ZNF43: variants seen among roughly 807,000 people sequenced by gnomAD.
ZNF43 encodes zinc finger protein 43.
A neutral mutation model predicts 68.4 loss-of-function variants in ZNF43; 44 were observed. The observed-to-expected ratio is 0.64, with a 90% CI of 0.51 to 0.83. The LOEUF is 0.83. ZNF43 is among the 40% of genes least tolerant of loss of function. The pLI is 0.00. For synonymous variants in ZNF43, 308 were observed against 307.8 expected (o/e 1.00, Z -0.01); for missense variants, 896 against 933.2 (o/e 0.96, Z 0.52).
Position 21,819,231 on chromosome 19 carries a change from A to C in ZNF43, c.4-10T>G. On this transcript the variant is annotated splice_polypyrimidine_tract_variant and intron_variant, in intron 1 of 3. Transcript: ENST00000354959. ...TAAATGTCAATGGTCCCTAAAAAAA[A>C]CAACACATACACACACAAACACACA... 1 of 1,585,638 alleles carries C rather than the reference A, an allele frequency of 6.3e-7. No homozygotes were observed. Among genetic ancestry groups the C allele is most frequent in the South Asian group, 1.2e-5 (1 of 86,524 alleles).
At chr19:21,833,571 G>A (rs913996264) in intron 1 of ZNF43, among the ~76,000 whole-genome samples, 6 of 151,788 alleles carry the variant, frequency 4.0e-5, no homozygotes, top group Non-Finnish European at 8.8e-5. Context: ...CACCCAGGCT[G>A]TGACACTGTA....
chr19:21,807,382 G>C lies in ZNF43; in HGVS notation c.*225C>G. ...CTCTCTGATGTTGAGTAAGATATGAGCACATATTAATGGCTTTTCCACATT... is the reference window on the plus strand; with the variant it reads ...CTCTCTGATGTTGAGTAAGATATGACCACATATTAATGGCTTTTCCACATT... On this transcript the variant is annotated 3_prime_UTR_variant, in exon 4 of 4. Coordinates refer to ENST00000354959, the MANE Select transcript of ZNF43 (RefSeq NM_003423.4). The C allele has an allele frequency of 2.4e-6, 1 of 410,890 alleles. No homozygotes were observed. The highest frequency in any genetic ancestry group is 4.3e-6 in the Non-Finnish European group (1 of 233,832). 25.5% of individuals were successfully genotyped at this position (410,890 alleles called of 1,614,324 possible).
chr19:21,822,761 C>T (rs1018326612), intron 1 of ZNF43, among the ~76,000 whole-genome samples: 1 of 151,786 alleles, frequency 6.6e-6, no homozygotes, highest in Non-Finnish European at 1.5e-5. Context: ...GCCGAGATCG[C>T]GCCACTGCAC....
chr19:21,843,045 C>G (rs994256685), intron 1 of ZNF43: 1 of 152,164 alleles, frequency 6.6e-6, no homozygotes, highest in Non-Finnish European at 1.5e-5. Context: ...TCCCCTGAAG[C>G]CAGGGTCTAG....
rs779997283 is a variant in ZNF43 at position 21,819,082 on chromosome 19, A to T, written c.130+13T>A. ...AGGGTATATTAGGAATTGAGTATTG[A>T]AGTTATGCTCACCCAGGAAGACCAG... On this transcript the variant is annotated intron_variant, in intron 2 of 3. Transcript: ENST00000354959. The T allele has an allele frequency of 4.4e-6, 7 of 1,604,730 alleles. No individual in the cohort carries two copies. In the Admixed American group the frequency reaches 1.0e-4, roughly 24 times the overall value.
In ZNF43 at chr19:21,809,235, TAA is replaced by T. The variant is rs750619467; in HGVS notation, c.800_801del (p.Phe267Ter). The T allele has an allele frequency of 6.2e-7, 1 of 1,613,720 alleles. No individual in the cohort carries two copies. Among genetic ancestry groups the T allele is most frequent in the Non-Finnish European group, 8.5e-7 (1 of 1,179,840 alleles). On this transcript the variant is annotated frameshift_variant, in exon 4 of 4. Transcript: ENST00000354959. LOFTEE classifies it high-confidence loss of function. ...TGGGTAGTAAGGATTGAGGACTTGTTAAAAGCTTTGCCACATTCTTCACATTT... is the reference window on the plus strand; with the variant it reads ...TGGGTAGTAAGGATTGAGGACTTGTTAAGCTTTGCCACATTCTTCACATTT... ...LYKCEECGKA[F>X]NKSSILTTHK...
chr19:21,838,111 TTCTG>T (rs1488340649), upstream of ZNF43: 1 of 152,136 alleles, frequency 6.6e-6, no homozygotes, highest in African/African-American at 2.4e-5. Context: ...TGACTCTGAG[TTCTG>T]TCTGTCTTTG....
chr19:21,816,661 C>T (rs2037542141), intron 3 of ZNF43, among the ~76,000 whole-genome samples: 1 of 152,104 alleles, frequency 6.6e-6, no homozygotes. Context: ...AATGACTGTT[C>T]CAGCTCCCTG....
At chr19:21,844,714 G>A (rs1599546638) in intron 1 of ZNF43, among the ~76,000 whole-genome samples, 3 of 150,820 alleles carry the variant, frequency 2.0e-5, no homozygotes, top group African/African-American at 7.3e-5. Context: ...TGGCTAACAC[G>A]GTGAAACCCC....
intron 3 of ZNF43, among the ~76,000 whole-genome samples, chr19:21,812,505 CA>C (rs1251931160): frequency 4.6e-5 from 7 of 152,240 alleles, no homozygotes; most frequent in Admixed American, 4.6e-4. Context: ...AAAATATACA[CA>C]AATGGGAAGA....
intron 1 of ZNF43, among the ~76,000 whole-genome samples, chr19:21,850,514 C>T (rs1357588136): frequency 1.3e-5 from 2 of 151,232 alleles, no homozygotes; most frequent in African/African-American, 4.9e-5. Flanking sequence ...GAGCCGAGAT[C>T]GCACCACTGC....
chr19:21,825,552 G>A (rs949059375), intron 1 of ZNF43, among the ~76,000 whole-genome samples: 2 of 151,908 alleles, frequency 1.3e-5, no homozygotes, highest in Non-Finnish European at 2.9e-5. Flanking sequence ...CCCAGAATCA[G>A]AATTTGGGGC....
At chr19:21,836,311 A>G (rs930360534), upstream of ZNF43, 16 of 1,175,284 alleles carry the variant, frequency 1.4e-5, no homozygotes, top group Non-Finnish European at 1.3e-5. Flanking sequence ...TGAATGAAAG[A>G]TGTGATCAGA....
intron 1 of ZNF43, chr19:21,851,890 A>AC (rs1461635120): frequency 6.4e-7 from 1 of 1,573,768 alleles, no homozygotes; most frequent in Admixed American, 1.8e-5. Flanking sequence ...GGGATGCCTA[A>AC]CCCCGCACAC....
upstream of ZNF43, chr19:21,836,310 G>T: frequency 1.7e-6 from 2 of 1,176,952 alleles, no homozygotes; most frequent in Non-Finnish European, 2.2e-6. Flanking sequence ...CTGAATGAAA[G>T]ATGTGATCAG....
At chr19:21,821,991 G>C (rs1033455216) in intron 1 of ZNF43, among the ~76,000 whole-genome samples, 5 of 152,216 alleles carry the variant, frequency 3.3e-5, no homozygotes, top group African/African-American at 1.2e-4. Context: ...CCTGCATCTT[G>C]AGAATATGCC....
chr19:21,827,558 C>T (rs1310488952), intron 1 of ZNF43, among the ~76,000 whole-genome samples: 2 of 150,756 alleles, frequency 1.3e-5, no homozygotes, highest in Admixed American at 6.7e-5. Context: ...GACAGGGTTT[C>T]TCCATGTTGG....
At chr19:21,824,224 C>T (rs960637798) in intron 1 of ZNF43, among the ~76,000 whole-genome samples, 2 of 152,024 alleles carry the variant, frequency 1.3e-5, no homozygotes, top group Admixed American at 1.3e-4. Flanking sequence ...AGCTCCAGAA[C>T]CTGCATCACC....
exon 1 of ZNF43, chr19:21,851,907 T>C: frequency 6.3e-7 from 1 of 1,580,452 alleles, no homozygotes; most frequent in Non-Finnish European, 8.6e-7. Context: ...ACACTCACCA[T>C]TTCCCAGCTT....
Sources: allele counts gnomAD v4.1 joint callset (sites outside exome capture counted in the v4.1 genomes callset), GRCh38; gene constraint gnomAD v4.1.1; transcripts MANE v1.5; gene names NCBI Gene and HGNC (gene_info 2026-07-23, HGNC 2026-07-21).